The following WDPCP variants were observed in gnomAD, a reference collection of about 807,000 sequenced individuals.
The protein encoded by WDPCP is WD repeat containing planar cell polarity effector.
WDPCP carries 71 observed loss-of-function variants against 93.1 expected under a neutral mutation model. That is an observed-to-expected ratio of 0.76 (90% confidence interval 0.63 to 0.93). The LOEUF is 0.93. Among genes scored for constraint, WDPCP ranks in the 40% least tolerant of loss-of-function variants. The probability of loss-of-function intolerance (pLI) is 0.00; values close to 1 mark genes in which losing one functional copy is unlikely to be tolerated. For missense variants in WDPCP, 844 were observed against 887.4 expected (o/e 0.95, Z 0.62); for synonymous variants, 315 against 315.0 (o/e 1.00, Z 0.00).
intron 2 of WDPCP, among the ~76,000 whole-genome samples, chr2:63,690,804 C>T (rs1399016646): frequency 6.6e-6 from 1 of 151,916 alleles, no homozygotes; most frequent in East Asian, 1.9e-4. Context: ...GCAGATTGCT[C>T]CGAGGTAATA....
intron 1 of WDPCP, among the ~76,000 whole-genome samples, chr2:63,532,809 C>T (rs561995027): frequency 6.6e-6 from 1 of 152,224 alleles, no homozygotes; most frequent in Non-Finnish European, 1.5e-5. Flanking sequence ...AACTAACGAG[C>T]AAAATAACCA....
At chr2:63,824,441 G>C (rs1472057726) in intron 1 of WDPCP, among the ~76,000 whole-genome samples, 3 of 150,786 alleles carry the variant, frequency 2.0e-5, no homozygotes, top group Admixed American at 6.6e-5. Flanking sequence ...CCAGCTACTT[G>C]GGAAGCTGAA....
chr2:63,302,095 T>C (rs1685378005), intron 13 of WDPCP, among the ~76,000 whole-genome samples: 1 of 152,212 alleles, frequency 6.6e-6, no homozygotes, highest in Admixed American at 6.5e-5. Flanking sequence ...TCAAGTTCCC[T>C]TGTCATTACA....
chr2:63,760,617 C>T (rs1670042854), intron 2 of WDPCP, among the ~76,000 whole-genome samples: 1 of 152,098 alleles, frequency 6.6e-6, no homozygotes, highest in African/African-American at 2.4e-5. Flanking sequence ...ACCTGGGACC[C>T]TGATTATTAG....
At chr2:63,595,001 T>G (rs1280867741) in intron 3 of WDPCP, 1 of 270,270 alleles carries the variant, frequency 3.7e-6, no homozygotes, top group Non-Finnish European at 7.1e-6. Flanking sequence ...CTGATTAATA[T>G]ACACTAAAAT....
intron 2 of WDPCP, among the ~76,000 whole-genome samples, chr2:63,808,493 T>A (rs1670805786): frequency 6.6e-6 from 1 of 152,220 alleles, no homozygotes; most frequent in African/African-American, 2.4e-5. Flanking sequence ...GGGCACGCGC[T>A]GCCACGCCTG....
intron 3 of WDPCP, among the ~76,000 whole-genome samples, chr2:63,646,728 C>CCT (rs1452354981): frequency 6.6e-6 from 1 of 152,058 alleles, no homozygotes; most frequent in Admixed American, 6.6e-5. Context: ...ATATATCACT[C>CCT]CTCTCTCTCC....
At chr2:63,578,123 TAATC>T (rs1708241333) in intron 1 of WDPCP, among the ~76,000 whole-genome samples, 1 of 152,214 alleles carries the variant, frequency 6.6e-6, no homozygotes, top group African/African-American at 2.4e-5. Flanking sequence ...TTATATCTCT[TAATC>T]AGGCCAAATT....
At chr2:63,610,346 A>C (rs939539063) in intron 3 of WDPCP, among the ~76,000 whole-genome samples, 2 of 152,190 alleles carry the variant, frequency 1.3e-5, no homozygotes, top group African/African-American at 4.8e-5. Context: ...GACCCTGGTA[A>C]TGTTTCCTGA....
At chr2:63,468,353 G>T (rs899560316) in intron 6 of WDPCP, among the ~76,000 whole-genome samples, 19 of 152,120 alleles carry the variant, frequency 1.2e-4, no homozygotes, top group African/African-American at 4.3e-4. Context: ...GATTGAAAAG[G>T]ATTTCAATTA....
At chr2:63,412,822 G>A (rs187390679) in intron 9 of WDPCP, among the ~76,000 whole-genome samples, 7 of 151,604 alleles carry the variant, frequency 4.6e-5, no homozygotes, top group East Asian at 3.9e-4. Context: ...CCAAGGAGTC[G>A]AAAGATCTCT....
chr2:63,262,330 A>G (rs1345126690), intron 13 of WDPCP, among the ~76,000 whole-genome samples: 1 of 152,150 alleles, frequency 6.6e-6, no homozygotes, highest in African/African-American at 2.4e-5. Context: ...AGACATACAC[A>G]TGTTTATACC....
chr2:63,605,246 G>T, intron 3 of WDPCP: 1 of 1,405,156 alleles, frequency 7.1e-7, no homozygotes, highest in Non-Finnish European at 1.0e-6. Context: ...TCATGACCAA[G>T]TAATACTGCT....
In WDPCP at chr2:63,260,943, T is replaced by A. The variant is rs11125956; in HGVS notation, c.1813-1534A>T. Among the ~76,000 whole-genome samples, 29 of 152,346 alleles carry A rather than the reference T, an allele frequency of 1.9e-4. No homozygotes were observed. The East Asian group carries it at 4.8e-3, about 25-fold the overall frequency. On this transcript the variant is annotated intron_variant, in intron 13 of 17. Transcript: ENST00000272321. ...ACAGTCCTCAAGTTAAGAATGGTTT[T>A]TACATTTTTAATGGTTGGAAGAACT...
At chr2:63,135,690 A>G (rs757693819) in intron 17 of WDPCP, among the ~76,000 whole-genome samples, 1 of 151,822 alleles carries the variant, frequency 6.6e-6, no homozygotes, top group Non-Finnish European at 1.5e-5. Flanking sequence ...TCCTCTCTTT[A>G]TGTTTTTCCA....
chr2:63,571,993 C>A (rs1308247893), intron 1 of WDPCP, among the ~76,000 whole-genome samples: 1 of 152,072 alleles, frequency 6.6e-6, no homozygotes. Flanking sequence ...CAACAGAAAC[C>A]AACTCCAGTA....
chr2:63,249,961 C>A (rs1451076023), intron 14 of WDPCP, among the ~76,000 whole-genome samples: 2 of 152,168 alleles, frequency 1.3e-5, no homozygotes, highest in African/African-American at 4.8e-5. Flanking sequence ...ATTTCTGTTT[C>A]CTTCTTCACA....
At chr2:63,503,732 G>A (rs1701698358) in intron 1 of WDPCP, among the ~76,000 whole-genome samples, 1 of 152,040 alleles carries the variant, frequency 6.6e-6, no homozygotes, top group South Asian at 2.1e-4. Context: ...ACGTAACTTT[G>A]AAGAGAAAAT....
intron 9 of WDPCP, among the ~76,000 whole-genome samples, chr2:63,413,708 G>A (rs1374592283): frequency 6.6e-6 from 1 of 152,182 alleles, no homozygotes; most frequent in Non-Finnish European, 1.5e-5. Flanking sequence ...TGAGGCAGGA[G>A]AATGGTGTGA....
Sources: allele counts gnomAD v4.1 joint callset (sites outside exome capture counted in the v4.1 genomes callset), GRCh38; gene constraint gnomAD v4.1.1; transcripts MANE v1.5; gene names NCBI Gene and HGNC (gene_info 2026-07-23, HGNC 2026-07-21).